ZNF568: variants seen among roughly 807,000 people sequenced by gnomAD.
ZNF568 encodes the protein zinc finger protein 568, also known as p53 inhibitor of SCO2 activation.
In ZNF568, 11 loss-of-function variants were observed where a neutral mutation model predicts 18.1. The observed-to-expected ratio is 0.61, with a 90% CI of 0.38 to 1.00. ZNF568 has a LOEUF of 1.00. ZNF568 is among the 50% of genes least tolerant of loss of function. ZNF568 has a pLI of 0.01. For synonymous variants in ZNF568, 213 were observed against 246.6 expected, an observed-to-expected ratio of 0.86 and a Z score of 1.28; for missense variants, 639 against 768.2, an observed-to-expected ratio of 0.83 and a Z score of 1.99.
intron 4 of ZNF568, 98 bp from the exon 5 acceptor site, chr19:36,936,648 C>T: frequency 8.4e-7 from 1 of 1,191,646 alleles, no homozygotes; most frequent in Non-Finnish European, 1.2e-6. Context: ...GTACTCCTAC[C>T]TCTGACCCCT....
chr19:36,992,370 C>G (rs2074433281), intron 4 of ZNF568, among the ~76,000 whole-genome samples: 1 of 151,674 alleles, frequency 6.6e-6, no homozygotes, highest in Non-Finnish European at 1.5e-5. Flanking sequence ...GGCATGGTGG[C>G]AGGTGCCTGT....
At chr19:36,982,028 T>A (rs1433106903), downstream of ZNF568, among the ~76,000 whole-genome samples, 1 of 152,224 alleles carries the variant, frequency 6.6e-6, no homozygotes, top group Non-Finnish European at 1.5e-5. Context: ...GCTTAACTCT[T>A]ATTTATTCTG....
intron 4 of ZNF568, among the ~76,000 whole-genome samples, chr19:36,927,885 T>TA (rs1568381408): frequency 2.0e-5 from 1 of 49,736 alleles, no homozygotes; most frequent in Non-Finnish European, 3.2e-5. Context: ...TATATATATA[T>TA]ATTATATATA....
chr19:36,938,230 C>T (rs2073821923), intron 6 of ZNF568, among the ~76,000 whole-genome samples: 1 of 152,086 alleles, frequency 6.6e-6, no homozygotes, highest in Non-Finnish European at 1.5e-5. Context: ...TCCAAGTTTT[C>T]CCATTGTTGC....
downstream of ZNF568, among the ~76,000 whole-genome samples, chr19:36,954,097 G>A (rs1450431577): frequency 6.6e-6 from 1 of 151,908 alleles, no homozygotes; most frequent in Non-Finnish European, 1.5e-5. Context: ...GGTGGTGCAT[G>A]CCTGTAATCC....
At chr19:36,972,630 C>T (rs2074245190) in intron 6 of ZNF568, among the ~76,000 whole-genome samples, 2 of 140,460 alleles carry the variant, frequency 1.4e-5, no homozygotes, top group South Asian at 4.5e-4. Context: ...CCGGCTTTAT[C>T]GGGATTGTGG....
chr19:36,925,409 G>A (rs1464700020), intron 4 of ZNF568, 151 bp downstream of exon 4: 1 of 691,420 alleles, frequency 1.4e-6, no homozygotes, highest in Non-Finnish European at 2.5e-6. Flanking sequence ...GGGGAAATTT[G>A]AGATATGGCT....
intron 4 of ZNF568, chr19:36,996,171 C>T: frequency 1.4e-6 from 1 of 737,042 alleles, no homozygotes. Context: ...TCCTCGTTTT[C>T]TCATTTTTCA....
At chr19:36,928,411 T>C (rs1034367502) in intron 4 of ZNF568, among the ~76,000 whole-genome samples, 2 of 152,156 alleles carry the variant, frequency 1.3e-5, no homozygotes, top group Non-Finnish European at 2.9e-5. Context: ...TTTAAGAAAT[T>C]ATTCACACGC....
chr19:36,990,653 A>T (rs557933311), intron 2 of ZNF568, among the ~76,000 whole-genome samples: 1 of 152,202 alleles, frequency 6.6e-6, no homozygotes, highest in Non-Finnish European at 1.5e-5. Flanking sequence ...AATGACTATT[A>T]TAACTGCAAA....
downstream of ZNF568, among the ~76,000 whole-genome samples, chr19:36,957,387 A>T (rs1568397599): frequency 6.6e-6 from 1 of 151,970 alleles, no homozygotes; most frequent in Non-Finnish European, 1.5e-5. Context: ...GCCTGCCACC[A>T]TGGCTGGCTA....
At chr19:36,939,703 C>CTAAT (rs1012677834) in intron 6 of ZNF568, among the ~76,000 whole-genome samples, 3 of 151,932 alleles carry the variant, frequency 2.0e-5, no homozygotes, top group Non-Finnish European at 2.9e-5. Context: ...CCATGCCTGG[C>CTAAT]TAATTTTTGT....
At chr19:36,971,398 C>T (rs1002889595) in intron 6 of ZNF568, among the ~76,000 whole-genome samples, 1 of 151,318 alleles carries the variant, frequency 6.6e-6, no homozygotes, top group Non-Finnish European at 1.5e-5. Context: ...AGTTTGTAAA[C>T]TAGAAATACT....
At chr19:36,956,209 G>A (rs560936033), downstream of ZNF568, among the ~76,000 whole-genome samples, 2 of 152,294 alleles carry the variant, frequency 1.3e-5, no homozygotes, top group African/African-American at 4.8e-5. Context: ...CAGGACTGAG[G>A]CACTTGTGCT....
chr19:36,950,627 C>T lies in ZNF568; in HGVS notation c.1474C>T (p.His492Tyr). Residue 492 changes from histidine to tyrosine, a missense_variant, in exon 7 of 7, where the codon CAC becomes TAC. Transcript: ENST00000333987. The part of the protein sequence containing the change: ...AFIQMSNLIR[H>Y]QRIHTGEKPY... ...TATTCAGATGTCAAACCTCATTCGA[C>T]ACCAGAGAATTCATACGGGTGAGAA... is the stretch of plus-strand genomic sequence containing the variant. 1 of 1,613,996 alleles carries T rather than the reference C, an allele frequency of 6.2e-7. No homozygotes were observed. The highest frequency in any genetic ancestry group is 2.2e-5 in the East Asian group (1 of 44,866).
chr19:36,987,786 C>T (rs79238416), intron 2 of ZNF568, among the ~76,000 whole-genome samples: 2,064 of 147,826 alleles, frequency 0.014, 23 homozygotes, highest in African/African-American at 0.025. Context: ...TTTGTTCATT[C>T]TTTCTCAAAT....
intron 6 of ZNF568, chr19:36,973,784 C>T (rs1198677844): frequency 6.5e-6 from 1 of 152,860 alleles, no homozygotes; most frequent in Non-Finnish European, 1.5e-5. Context: ...GGTCATCGAC[C>T]CCATCTTTGG....
chr19:36,926,952 A>C (rs1468411263), intron 4 of ZNF568, among the ~76,000 whole-genome samples: 1 of 152,210 alleles, frequency 6.6e-6, no homozygotes, highest in Non-Finnish European at 1.5e-5. Context: ...ATGGAGGCTC[A>C]TTATGAGTGA....
intron 3 of ZNF568, among the ~76,000 whole-genome samples, chr19:36,923,678 T>C (rs1349909228): frequency 6.6e-6 from 1 of 151,806 alleles, no homozygotes; most frequent in Non-Finnish European, 1.5e-5. Context: ...GTGAGGGAAA[T>C]GTGACTATGC....
Sources: allele counts gnomAD v4.1 joint callset (sites outside exome capture counted in the v4.1 genomes callset), GRCh38; gene constraint gnomAD v4.1.1; transcripts MANE v1.5; gene names NCBI Gene and HGNC (gene_info 2026-07-23, HGNC 2026-07-21).